The following SLC26A7 variants were observed in gnomAD, a reference collection of about 807,000 sequenced individuals.
SLC26A7 encodes solute carrier family 26 member 7, also known as anion exchange transporter.
Under a neutral mutation model 82.5 loss-of-function variants are expected in SLC26A7, and 59 were observed. That is an observed-to-expected ratio of 0.72 (90% CI 0.58 to 0.89). The LOEUF is 0.89. Ranked by LOEUF, SLC26A7 falls within the 40% of genes least tolerant of loss-of-function variation. The pLI, the probability that SLC26A7 is intolerant of heterozygous loss-of-function variation, is 0.00. For synonymous variants in SLC26A7, 271 were observed against 274.3 expected (o/e 0.99, Z 0.12); for missense variants, 820 against 793.0 (o/e 1.03, Z -0.41).
intron 2 of SLC26A7, among the ~76,000 whole-genome samples, chr8:91,266,144 T>C (rs967130123): frequency 1.3e-5 from 2 of 151,940 alleles, no homozygotes. Context: ...TATGGCTCTG[T>C]AGTATATTTT....
chr8:91,297,616 A>G (rs1017695967), intron 4 of SLC26A7, among the ~76,000 whole-genome samples: 1 of 151,964 alleles, frequency 6.6e-6, no homozygotes, highest in African/African-American at 2.4e-5. Context: ...TGGATATGTG[A>G]CTTACGTTTT....
chr8:91,340,453 A>T lies in SLC26A7; in HGVS notation c.928A>T (p.Thr310Ser), dbSNP rs542520358. ...GATGAACATCCTCTCTGCGGTGATC[A>T]CTGAAGCTTTCGGAGTGGCACTTGT... is the stretch of plus-strand genomic sequence containing the variant. Reference protein sequence around the residue: ...PPMNILSAVITEAFGVALVGY... With the variant: ...PPMNILSAVISEAFGVALVGY... The change falls in exon 8 of 19, where the codon ACT becomes TCT. Residue 310 changes from threonine (T) to serine (S), a missense_variant. Transcript: ENST00000276609. 3 of 1,613,970 alleles carry T rather than the reference A, an allele frequency of 1.9e-6. No individual in the cohort carries two copies. In the Admixed American group the frequency reaches 5.0e-5, roughly 27 times the overall value.
chr8:91,370,075 C>T (rs1365882750), intron 15 of SLC26A7, among the ~76,000 whole-genome samples: 1 of 151,810 alleles, frequency 6.6e-6, no homozygotes, highest in African/African-American at 2.4e-5. Context: ...CCATTTGGCT[C>T]CTTCTCCCTT....
rs1056707822 is a variant in SLC26A7, at chr8:91,362,260, A to C, written c.1315-93A>C. 4 of 782,948 alleles carry C rather than the reference A, an allele frequency of 5.1e-6. No homozygotes were observed. The African/African-American group carries it at 6.9e-5, about 14-fold the overall frequency. The allele number at this position is 782,948 out of a possible 1,614,324, so 48.5% of individuals were successfully genotyped here. On this transcript the variant is annotated intron_variant, in intron 11 of 18. Transcript: ENST00000276609. ...TCTTGCTGAAAGATTTGGTCACAAGAGTGTTAAGAATATGATTGTGAGGAA... is the reference window on the plus strand; with the variant it reads ...TCTTGCTGAAAGATTTGGTCACAAGCGTGTTAAGAATATGATTGTGAGGAA...
At chr8:91,319,629 G>A (rs1380401339) in intron 5 of SLC26A7, among the ~76,000 whole-genome samples, 1 of 152,208 alleles carries the variant, frequency 6.6e-6, no homozygotes, top group Non-Finnish European at 1.5e-5. Flanking sequence ...AACAAAAGCA[G>A]ACCAAAGTAG....
At chr8:91,275,416 C>T (rs35860293) in intron 2 of SLC26A7, among the ~76,000 whole-genome samples, 7 of 152,156 alleles carry the variant, frequency 4.6e-5, no homozygotes, top group East Asian at 1.9e-4. Flanking sequence ...CTCCCACTTC[C>T]GTCTCCTGAG....
At chr8:91,275,709 C>T (rs375849487) in intron 2 of SLC26A7, among the ~76,000 whole-genome samples, 18 of 152,160 alleles carry the variant, frequency 1.2e-4, no homozygotes, top group African/African-American at 4.3e-4. Context: ...TGGGGAATGG[C>T]ACTGTGCAAA....
intron 15 of SLC26A7, among the ~76,000 whole-genome samples, chr8:91,372,675 G>C (rs1325248708): frequency 6.6e-6 from 1 of 151,908 alleles, no homozygotes; most frequent in African/African-American, 2.4e-5. Context: ...GAAGCTTCCA[G>C]CTTTATTCTT....
intron 9 of SLC26A7, among the ~76,000 whole-genome samples, chr8:91,348,701 C>A (rs1196375429): frequency 2.3e-5 from 3 of 132,876 alleles, no homozygotes; most frequent in Non-Finnish European, 3.3e-5. Flanking sequence ...TAAGAAGGAG[C>A]TAGTTTTGTT....
intron 4 of SLC26A7, among the ~76,000 whole-genome samples, chr8:91,306,253 C>G (rs1812303503): frequency 6.6e-6 from 1 of 152,158 alleles, no homozygotes; most frequent in East Asian, 1.9e-4. Flanking sequence ...ACTCCCTTTT[C>G]CCTCTGAAAT....
chr8:91,332,927 A>G (rs1813134697), intron 5 of SLC26A7, among the ~76,000 whole-genome samples: 1 of 152,268 alleles, frequency 6.6e-6, no homozygotes, highest in African/African-American at 2.4e-5. Flanking sequence ...ATTTTCTAAT[A>G]TATTCTGTGC....
intron 15 of SLC26A7, 109 bp from the exon 16 acceptor site, chr8:91,389,229 A>C (rs10086685): frequency 0.05 from 35,991 of 717,362 alleles, 1,401 homozygotes; most frequent in African/African-American, 0.15. Context: ...AGTGTTTAGA[A>C]TTACTGTTGT....
In SLC26A7 at chr8:91,351,844, T is replaced by G; in HGVS notation, c.1175T>G (p.Ile392Arg). The change falls in exon 10 of 19, where the codon ATA (isoleucine) becomes AGA (arginine). Residue 392 changes from isoleucine to arginine, a missense_variant. Physicochemically the swap from Ile to Arg is moderately conservative, Grantham distance 97. Transcript: ENST00000276609. ...ACLISCIFVL[I>R]VIYAIGPLLY... is the part of the protein sequence containing the mutation. ...CTAATATCTTGCATTTTCGTCCTTA[T>G]AGTCATCTATGCAATAGGACCTTTG... 1 of 1,612,686 alleles carries G rather than the reference T, an allele frequency of 6.2e-7. No homozygotes were observed. The highest frequency in any genetic ancestry group is 1.3e-5 in the African/African-American group (1 of 74,984).
chr8:91,275,303 T>C (rs1811378086), intron 2 of SLC26A7, among the ~76,000 whole-genome samples: 1 of 152,180 alleles, frequency 6.6e-6, no homozygotes, highest in African/African-American at 2.4e-5. Context: ...AAAGATTATT[T>C]ATTTTATTTT....
intron 15 of SLC26A7, among the ~76,000 whole-genome samples, chr8:91,384,436 C>T (rs1814744166): frequency 6.6e-6 from 1 of 152,168 alleles, no homozygotes; most frequent in Admixed American, 6.5e-5. Flanking sequence ...ACCTGCCCAT[C>T]TCAACATCCT....
intron 2 of SLC26A7, among the ~76,000 whole-genome samples, chr8:91,243,744 T>A (rs1000563810): frequency 1.3e-5 from 2 of 151,966 alleles, no homozygotes; most frequent in African/African-American, 4.8e-5. Context: ...TAAAAAAAAA[T>A]CTCACAATCC....
At chr8:91,380,322 T>C (rs1814634431) in intron 15 of SLC26A7, among the ~76,000 whole-genome samples, 2 of 152,150 alleles carry the variant, frequency 1.3e-5, no homozygotes, top group South Asian at 4.1e-4. Context: ...TTAGTAATGG[T>C]ACCCAACTCT....
chr8:91,294,949 G>A (rs1488926662), intron 3 of SLC26A7, among the ~76,000 whole-genome samples: 1 of 152,208 alleles, frequency 6.6e-6, no homozygotes, highest in African/African-American at 2.4e-5. Context: ...CTAGTTGGGA[G>A]GATCTGGGAT....
chr8:91,360,966 G>T (rs888680368), intron 11 of SLC26A7, among the ~76,000 whole-genome samples: 2 of 152,120 alleles, frequency 1.3e-5, no homozygotes, highest in African/African-American at 4.8e-5. Context: ...TCAAATGACT[G>T]ACTGTGTGTT....
Sources: gnomAD v4.1 joint callset for allele counts (sites outside exome capture counted in the v4.1 genomes callset) on GRCh38, gnomAD v4.1.1 for gene constraint, MANE v1.5 for transcripts, NCBI Gene and HGNC (gene_info 2026-07-23, HGNC 2026-07-21) for gene names.